Variants in MYRIP observed in about 807,000 individuals in gnomAD.
MYRIP encodes the protein rab effector MyRIP.
MYRIP carries 49 observed loss-of-function variants against 98.0 expected under a neutral mutation model. The ratio of observed to expected loss-of-function variants is 0.50; its 90% CI spans 0.40 to 0.63. The LOEUF (loss-of-function observed/expected upper bound fraction) is 0.63, where lower values mean the gene tolerates loss of function less well. Ranked by LOEUF, MYRIP falls within the 30% of genes least tolerant of loss-of-function variation. MYRIP has a pLI of 0.00. For missense variants in MYRIP, 1,004 were observed against 1,058.2 expected, an observed-to-expected ratio of 0.95 and a Z score of 0.71; for synonymous variants, 404 against 409.5, an observed-to-expected ratio of 0.99 and a Z score of 0.16.
intron 11 of MYRIP, among the ~76,000 whole-genome samples, chr3:40,229,188 T>C (rs1341490269): frequency 6.6e-6 from 1 of 152,240 alleles, no homozygotes; most frequent in East Asian, 1.9e-4. Flanking sequence ...GCATTCTCCA[T>C]GTCTTTGAAA....
At position 40,258,241 on chromosome 3, in the gene MYRIP, A is replaced by G. The variant is rs1575691253; in HGVS notation, c.*75A>G. The G allele has an allele frequency of 1.9e-6, 3 of 1,555,098 alleles. No individual in the cohort carries two copies. The highest frequency in any genetic ancestry group is 2.7e-6 in the Non-Finnish European group (3 of 1,126,752). On this transcript the variant is annotated 3_prime_UTR_variant, in exon 17 of 17. Transcript: ENST00000302541. ...CAGTGCCTTGACCCAACAGCCATCGAGTACTGTATGTATTTCCACCTGAGG... is the reference window on the plus strand; with the variant it reads ...CAGTGCCTTGACCCAACAGCCATCGGGTACTGTATGTATTTCCACCTGAGG...
chr3:40,011,194 A>C (rs182256300), intron 2 of MYRIP, among the ~76,000 whole-genome samples: 6 of 152,208 alleles, frequency 3.9e-5, no homozygotes, highest in African/African-American at 1.4e-4. Flanking sequence ...CCCTCTAAGC[A>C]TCCTATGCCC....
intron 3 of MYRIP, among the ~76,000 whole-genome samples, chr3:40,056,749 T>A (rs753975197): frequency 3.4e-5 from 5 of 147,468 alleles, no homozygotes; most frequent in Non-Finnish European, 7.5e-5. Context: ...AGCTTTAGTT[T>A]AATAGATGGA....
chr3:40,071,332 G>A lies in MYRIP; in HGVS notation c.332+27061G>A, dbSNP rs192843477. On this transcript the variant is annotated intron_variant, in intron 3 of 16. Transcript: ENST00000302541. ...GGGTGCACTGGTTGGTGGTTGGGAC[G>A]GATGGCAGGTCAGGAATGAAAACAG... is the stretch of plus-strand genomic sequence containing the variant. 131 of 340,516 alleles carry A rather than the reference G, an allele frequency of 3.8e-4. 1 individual carries two copies. Among genetic ancestry groups the A allele is most frequent in the African/African-American group, 2.7e-3 (121 of 44,820 alleles). 21.1% of individuals were successfully genotyped at this position (340,516 alleles called of 1,614,324 possible).
intron 3 of MYRIP, among the ~76,000 whole-genome samples, chr3:40,146,953 A>G (rs2125568572): frequency 6.6e-6 from 1 of 152,300 alleles, no homozygotes; most frequent in South Asian, 2.1e-4. Context: ...CAGTTTTTAT[A>G]ATAATACATG....
At chr3:39,966,177 A>G (rs1239122216) in intron 2 of MYRIP, among the ~76,000 whole-genome samples, 2 of 152,138 alleles carry the variant, frequency 1.3e-5, no homozygotes, top group South Asian at 2.1e-4. Context: ...TCCAATAAGT[A>G]CAGAGGGATT....
intron 10 of MYRIP, among the ~76,000 whole-genome samples, chr3:40,206,681 C>T (rs1951800939): frequency 6.6e-6 from 1 of 152,164 alleles, no homozygotes; most frequent in African/African-American, 2.4e-5. Flanking sequence ...CTCTCCACCA[C>T]ACCGTCAACT....
intron 2 of MYRIP, among the ~76,000 whole-genome samples, chr3:40,038,970 T>C (rs978215104): frequency 7.9e-5 from 12 of 152,130 alleles, no homozygotes; most frequent in African/African-American, 2.4e-4. Context: ...TAGGCAGAGA[T>C]GGAACAGCAA....
At chr3:40,168,767 A>T (rs973702364) in intron 7 of MYRIP, among the ~76,000 whole-genome samples, 1 of 151,656 alleles carries the variant, frequency 6.6e-6, no homozygotes, top group Non-Finnish European at 1.5e-5. Flanking sequence ...ATGGTTACTG[A>T]CTCCCCCCTC....
At chr3:39,814,902 A>G (rs542403999) in intron 1 of MYRIP, among the ~76,000 whole-genome samples, 106 of 152,226 alleles carry the variant, frequency 7.0e-4, no homozygotes, top group Middle Eastern at 3.4e-3. Context: ...GCCTATCTCT[A>G]TACATTATTT....
intron 1 of MYRIP, among the ~76,000 whole-genome samples, chr3:39,851,058 T>C (rs945970817): frequency 1.3e-5 from 2 of 152,250 alleles, no homozygotes; most frequent in Admixed American, 6.5e-5. Context: ...ATCTCTCTAA[T>C]ATCAAGATGA....
chr3:39,836,799 A>G (rs1022886458), intron 1 of MYRIP, among the ~76,000 whole-genome samples: 1 of 152,340 alleles, frequency 6.6e-6, no homozygotes, highest in African/African-American at 2.4e-5. Flanking sequence ...ACACTTGTGG[A>G]TAATTAACAT....
intron 8 of MYRIP, among the ~76,000 whole-genome samples, chr3:40,178,258 T>C (rs917292015): frequency 6.6e-6 from 1 of 152,194 alleles, no homozygotes; most frequent in Admixed American, 6.5e-5. Context: ...GGGATATAAG[T>C]AGAACACATT....
At chr3:40,213,240 A>G (rs1320180151) in intron 11 of MYRIP, among the ~76,000 whole-genome samples, 3 of 152,216 alleles carry the variant, frequency 2.0e-5, no homozygotes, top group African/African-American at 7.2e-5. Context: ...TTGATTGAAT[A>G]AACACATCTT....
chr3:40,003,157 A>C (rs778483959), intron 2 of MYRIP, among the ~76,000 whole-genome samples: 13 of 152,086 alleles, frequency 8.5e-5, no homozygotes, highest in Non-Finnish European at 1.5e-4. Flanking sequence ...ACATCTATAG[A>C]TATAAATACA....
chr3:39,898,778 G>A (rs1362803145), intron 1 of MYRIP, among the ~76,000 whole-genome samples: 5 of 152,028 alleles, frequency 3.3e-5, no homozygotes, highest in Admixed American at 2.0e-4. Flanking sequence ...AGAGCATCTG[G>A]AACATAGTAG....
intron 3 of MYRIP, among the ~76,000 whole-genome samples, chr3:40,119,450 G>T (rs1478960290): frequency 2.0e-5 from 3 of 152,326 alleles, no homozygotes; most frequent in Admixed American, 6.5e-5. Flanking sequence ...ATATTTTTTA[G>T]TATTTTCTTA....
At chr3:40,060,301 TATCA>T (rs1240921877) in intron 3 of MYRIP, among the ~76,000 whole-genome samples, 1 of 152,204 alleles carries the variant, frequency 6.6e-6, no homozygotes, top group Non-Finnish European at 1.5e-5. Context: ...GCCTTTACTC[TATCA>T]TTTTTAACCA....
chr3:40,139,694 T>G (rs1025565249), intron 3 of MYRIP, among the ~76,000 whole-genome samples: 2 of 152,068 alleles, frequency 1.3e-5, no homozygotes, highest in Non-Finnish European at 2.9e-5. Flanking sequence ...ATCCTCCTGC[T>G]TCAGCCTCCC....
Sources: gnomAD v4.1 joint callset for allele counts (sites outside exome capture counted in the v4.1 genomes callset) on GRCh38, gnomAD v4.1.1 for gene constraint, MANE v1.5 for transcripts, NCBI Gene and HGNC (gene_info 2026-07-23, HGNC 2026-07-21) for gene names.